The following KIF26B variants were observed in gnomAD, a reference collection of about 807,000 sequenced individuals.
KIF26B encodes the protein kinesin family member 26B.
Under a neutral mutation model 151.2 loss-of-function variants are expected in KIF26B, and 63 were observed. The ratio of observed to expected loss-of-function variants is 0.42; its 90% CI spans 0.34 to 0.51. KIF26B has a LOEUF of 0.51. Among genes scored for constraint, KIF26B ranks in the 20% least tolerant of loss-of-function variants. The pLI is 0.07. For missense variants in KIF26B, 2,813 were observed against 2,913.6 expected, an observed-to-expected ratio of 0.97 and a Z score of 0.79; for synonymous variants, 1,357 against 1,262.1, an observed-to-expected ratio of 1.08 and a Z score of -1.59.
chr1:245,517,175 G>A (rs891280138), intron 4 of KIF26B, among the ~76,000 whole-genome samples: 2 of 152,174 alleles, frequency 1.3e-5, no homozygotes, highest in African/African-American at 2.4e-5. Context: ...TGGTCAACAT[G>A]GCGAAAACCC....
intron 2 of KIF26B, among the ~76,000 whole-genome samples, chr1:245,349,081 A>G (rs1185742782): frequency 6.6e-6 from 1 of 152,174 alleles, no homozygotes; most frequent in East Asian, 1.9e-4. Context: ...CCTCCGTGAG[A>G]GCAGGGACCT....
chr1:245,647,361 C>T (rs953027635), intron 10 of KIF26B, among the ~76,000 whole-genome samples: 1 of 133,484 alleles, frequency 7.5e-6, no homozygotes, highest in African/African-American at 2.9e-5. Flanking sequence ...GGAGGCGGAG[C>T]TTGCAGTGAG....
chr1:245,339,915 T>C (rs1345163042), intron 2 of KIF26B, among the ~76,000 whole-genome samples: 3 of 152,240 alleles, frequency 2.0e-5, no homozygotes, highest in African/African-American at 7.2e-5. Flanking sequence ...TTGGGCCGTG[T>C]TGGAGAACAC....
At chr1:245,177,658 C>T (rs1374833436) in intron 2 of KIF26B, among the ~76,000 whole-genome samples, 1 of 136,944 alleles carries the variant, frequency 7.3e-6, no homozygotes, top group African/African-American at 2.9e-5. Flanking sequence ...TTTTACTTGT[C>T]CTTAGGGGTG....
intron 2 of KIF26B, among the ~76,000 whole-genome samples, chr1:245,209,433 G>T (rs1328943419): frequency 1.3e-5 from 2 of 151,860 alleles, no homozygotes; most frequent in African/African-American, 4.8e-5. Flanking sequence ...AATAAAAAAA[G>T]AAAACATTAA....
chr1:245,511,974 A>G (rs1390571844), intron 4 of KIF26B, among the ~76,000 whole-genome samples: 3 of 150,452 alleles, frequency 2.0e-5, no homozygotes, highest in Non-Finnish European at 4.4e-5. Flanking sequence ...AATTTTGTGT[A>G]GGAAGAGTAA....
chr1:245,576,612 T>G (rs1234484896), intron 5 of KIF26B, among the ~76,000 whole-genome samples: 1 of 152,206 alleles, frequency 6.6e-6, no homozygotes, highest in Non-Finnish European at 1.5e-5. Context: ...TAGGTTTCCC[T>G]GGTGTTCCCC....
rs529087613 is a variant in KIF26B at position 245,288,554 on chromosome 1, G to C, written c.466-78280G>C. On this transcript the variant is annotated intron_variant, in intron 2 of 14. Transcript: ENST00000407071. The stretch of plus-strand genomic sequence containing the variant: ...TGCCGTAAAGATTGGGGGTCCATCA[G>C]GGATGAAGTCTTGCCTGACTGTGGT... Among the ~76,000 whole-genome samples the C allele has an allele frequency of 2.6e-5, 4 of 152,334 alleles. No homozygotes were observed. In the East Asian group the frequency reaches 7.7e-4, roughly 29 times the overall value.
intron 3 of KIF26B, among the ~76,000 whole-genome samples, chr1:245,392,335 G>T (rs376232564): frequency 1.3e-5 from 2 of 152,152 alleles, no homozygotes; most frequent in African/African-American, 4.8e-5. Flanking sequence ...TTATGTAAAG[G>T]TTATATAAAA....
Position 245,563,572 on chromosome 1 carries a change from A to G in KIF26B, c.1350+22622A>G, listed in dbSNP as rs761452857. On this transcript the variant is annotated intron_variant, in intron 5 of 14. Transcript: ENST00000407071. This position sits in a 1 kb window ranked among gnomAD's most constrained non-coding sequence, Gnocchi z 4.6. ...GCCACTTCTCAAACACATGGCTGACAGATTCCGGAGGCCTTCAACTCCCAC... is the reference window on the plus strand; with the variant it reads ...GCCACTTCTCAAACACATGGCTGACGGATTCCGGAGGCCTTCAACTCCCAC... Among the ~76,000 whole-genome samples the G allele has an allele frequency of 1.3e-5, 2 of 152,162 alleles. No homozygotes were observed. The highest frequency in any genetic ancestry group is 2.9e-5 in the Non-Finnish European group (2 of 68,028).
At chr1:245,690,701 A>T (rs150943164) in intron 12 of KIF26B, among the ~76,000 whole-genome samples, 2 of 151,740 alleles carry the variant, frequency 1.3e-5, no homozygotes, top group East Asian at 3.9e-4. Flanking sequence ...ATGGTAGGGA[A>T]TCATCGTGGC....
rs2042989344 is a variant in KIF26B at position 245,564,562 on chromosome 1, C to T, written c.1350+23612C>T. ...AAGAAGGACTCCTTTCACTGTGCAT[C>T]TTTAGACGAAGCATCAACAAAGGCT... is the stretch of plus-strand genomic sequence containing the variant. On this transcript the variant is annotated intron_variant, in intron 5 of 14. Transcript: ENST00000407071. The surrounding 1 kb of genome is among the most constrained non-coding windows in gnomAD (Gnocchi z 4.6). 6.6e-6 allele frequency among the ~76,000 whole-genome samples: 1 copy of T among 152,180 alleles called. No individual in the cohort carries two copies. Among genetic ancestry groups the T allele is most frequent in the African/African-American group, 2.4e-5 (1 of 41,428 alleles).
At chr1:245,220,257 A>G (rs1464587363) in intron 2 of KIF26B, among the ~76,000 whole-genome samples, 2 of 152,224 alleles carry the variant, frequency 1.3e-5, no homozygotes, top group African/African-American at 2.4e-5. Context: ...CCGATAGGAA[A>G]GTCATCCTGA....
chr1:245,233,899 G>A (rs954426543), intron 2 of KIF26B, among the ~76,000 whole-genome samples: 8 of 151,844 alleles, frequency 5.3e-5, no homozygotes, highest in African/African-American at 1.5e-4. Context: ...ATAATGTTTC[G>A]GGCTGGGCGC....
chr1:245,474,140 G>A lies in KIF26B; in HGVS notation c.1166+54395G>A, dbSNP rs938693116. Among the ~76,000 whole-genome samples the A allele has an allele frequency of 2.3e-4, 32 of 138,856 alleles. 1 individual carries two copies. Among genetic ancestry groups the A allele is most frequent in the South Asian group, 1.4e-3 (6 of 4,278 alleles). The allele number at this position is 138,856 out of a possible 152,430, so 91.1% of individuals were successfully genotyped here. On this transcript the variant is annotated intron_variant, in intron 4 of 14. Coordinates refer to ENST00000407071, the MANE Select transcript of KIF26B (RefSeq NM_018012.4). ...TTTTTTTTTTTTGAGATGGAGTCTC[G>A]CCCTGTCACCCAGTCTGGAGTGCAG...
Position 245,704,173 on chromosome 1 carries a change from G to GTACT in KIF26B, c.*1570_*1573dup, listed in dbSNP as rs1553308266. Reference sequence around the variant, plus strand: ...CCCTGCAGCCTTCGCATCGAGGATGGTACTTAGGCGTGTGCAGAGCACGCT... The same window carrying GTACT: ...CCCTGCAGCCTTCGCATCGAGGATGGTACTTACTTAGGCGTGTGCAGAGCACGCT... On this transcript the variant is annotated 3_prime_UTR_variant, in exon 15 of 15. Transcript: ENST00000407071. 6.6e-6 allele frequency: 1 copy of GTACT among 152,256 alleles called. No individual in the cohort carries two copies. Among genetic ancestry groups the GTACT allele is most frequent in the Non-Finnish European group, 1.5e-5 (1 of 68,060 alleles). The allele number at this position is 152,256 out of a possible 1,614,324, so 9.4% of individuals were successfully genotyped here.
At chr1:245,631,523 C>T (rs77451931) in intron 9 of KIF26B, among the ~76,000 whole-genome samples, 4,029 of 151,982 alleles carry the variant, frequency 0.027, 185 homozygotes, top group African/African-American at 0.091. Flanking sequence ...AGATTTGGTT[C>T]GCTAGTATTT....
chr1:245,414,169 C>T (rs967415094), intron 3 of KIF26B, among the ~76,000 whole-genome samples: 2 of 152,238 alleles, frequency 1.3e-5, no homozygotes, highest in Non-Finnish European at 2.9e-5. Flanking sequence ...GCCAAGGCTT[C>T]CAGCAGAGTT....
intron 9 of KIF26B, among the ~76,000 whole-genome samples, chr1:245,640,294 G>A (rs900109427): frequency 1.3e-5 from 2 of 150,168 alleles, no homozygotes; most frequent in Non-Finnish European, 3.0e-5. Flanking sequence ...TTATCTGATC[G>A]AAGTATAGCT....
Sources: allele counts gnomAD v4.1 joint callset (sites outside exome capture counted in the v4.1 genomes callset), GRCh38; gene constraint gnomAD v4.1.1; non-coding constraint Gnocchi (gnomAD v3.1); transcripts MANE v1.5; gene names NCBI Gene and HGNC (gene_info 2026-07-23, HGNC 2026-07-21).